The following MAB21L3 variants were observed in gnomAD, a reference collection of about 807,000 sequenced individuals.
MAB21L3 encodes the protein mab-21 like 3, also known as protein mab-21-like 3.
A neutral mutation model predicts 37.7 loss-of-function variants in MAB21L3; 36 were observed. The ratio of observed to expected loss-of-function variants is 0.96; its 90% CI spans 0.73 to 1.26. The LOEUF (loss-of-function observed/expected upper bound fraction) is 1.26. Among genes scored for constraint, MAB21L3 ranks in the 50% most tolerant of loss-of-function variants. MAB21L3 has a pLI of 0.00. For missense variants in MAB21L3, 430 were observed against 447.3 expected (o/e 0.96, Z 0.35); for synonymous variants, 186 against 176.8 (o/e 1.05, Z -0.41).
Position 116,120,921 on chromosome 1 carries a change from C to G in MAB21L3, c.49-11C>G, listed in dbSNP as rs1363230383. ...GAAATAACCACCATTGCTGGTCCCT[C>G]TCACACCCAGGTGGACTTGAGGCGC... On this transcript the variant is annotated splice_polypyrimidine_tract_variant and intron_variant, in intron 3 of 7. Coordinates refer to ENST00000369500, the MANE Select transcript of MAB21L3 (RefSeq NM_152367.3). 1 of 1,613,870 alleles carries G rather than the reference C, an allele frequency of 6.2e-7. No individual in the cohort carries two copies. The highest frequency in any genetic ancestry group is 1.1e-5 in the South Asian group (1 of 91,024).
intron 6 of MAB21L3, among the ~76,000 whole-genome samples, chr1:116,127,869 C>T (rs1481058278): frequency 2.6e-5 from 4 of 152,124 alleles, no homozygotes; most frequent in Non-Finnish European, 5.9e-5. Flanking sequence ...TGAACAGGGC[C>T]CAGCAATCTG....
In MAB21L3 at chr1:116,137,438, C is replaced by T. The variant is rs2101622678; in HGVS notation, c.*4073C>T. Among the ~76,000 whole-genome samples, 1 of 137,862 alleles carries T rather than the reference C, an allele frequency of 7.3e-6. No individual in the cohort carries two copies. The highest frequency in any genetic ancestry group is 1.5e-5 in the Non-Finnish European group (1 of 66,406). The allele number at this position is 137,862 out of a possible 152,430, so 90.4% of individuals were successfully genotyped here. A position where few individuals can be genotyped will look rare whatever the true frequency, so the allele number is the denominator to read the frequency against. On this transcript the variant is annotated 3_prime_UTR_variant, in exon 8 of 8. Coordinates refer to ENST00000369500, the MANE Select transcript of MAB21L3 (RefSeq NM_152367.3). ...AACCACAGTGAGATACCATCTCACACCAGTTAGAATGGCAATCATTAAAAA... is the reference window on the plus strand; with the variant it reads ...AACCACAGTGAGATACCATCTCACATCAGTTAGAATGGCAATCATTAAAAA...
chr1:116,113,117 C>T (rs1659478140), intron 3 of MAB21L3, among the ~76,000 whole-genome samples: 1 of 152,188 alleles, frequency 6.6e-6, no homozygotes, highest in African/African-American at 2.4e-5. Flanking sequence ...TAGTACACAT[C>T]AGTTAAGAAC....
At chr1:116,117,321 T>C (rs984412848) in intron 3 of MAB21L3, among the ~76,000 whole-genome samples, 1 of 151,948 alleles carries the variant, frequency 6.6e-6, no homozygotes, top group African/African-American at 2.4e-5. Flanking sequence ...ATACTATTTC[T>C]CAACCACTCT....
chr1:116,135,466 T>C lies in MAB21L3; in HGVS notation c.*2101T>C, dbSNP rs1660182430. Among the ~76,000 whole-genome samples the C allele has an allele frequency of 2.6e-5, 4 of 152,056 alleles. No individual in the cohort carries two copies. The highest frequency in any genetic ancestry group is 2.6e-4 in the Admixed American group (4 of 15,274). Reference sequence around the variant, plus strand: ...CTCTGAATAGACCAATAACAGGATCTGAAATTGTGGCAATAATCAATAGCT... The same window carrying C: ...CTCTGAATAGACCAATAACAGGATCCGAAATTGTGGCAATAATCAATAGCT... On this transcript the variant is annotated 3_prime_UTR_variant, in exon 8 of 8. Transcript: ENST00000369500.
chr1:116,130,002 A>G (rs1660026792), intron 7 of MAB21L3, among the ~76,000 whole-genome samples: 1 of 152,160 alleles, frequency 6.6e-6, no homozygotes, highest in African/African-American at 2.4e-5. Flanking sequence ...AGATACTTTG[A>G]TTCTTTCTGT....
chr1:116,117,195 A>G (rs1467065885), intron 3 of MAB21L3, among the ~76,000 whole-genome samples: 1 of 145,038 alleles, frequency 6.9e-6, no homozygotes, highest in Non-Finnish European at 1.5e-5. Context: ...ATATATATGT[A>G]TAGTCACTGC....
chr1:116,113,501 C>G (rs569616940), intron 3 of MAB21L3, among the ~76,000 whole-genome samples: 6 of 152,116 alleles, frequency 3.9e-5, no homozygotes, highest in Admixed American at 3.3e-4. Flanking sequence ...TTTCGTGGGT[C>G]CTGTATTTTT....
At chr1:116,118,342 A>G (rs1470810901) in intron 3 of MAB21L3, among the ~76,000 whole-genome samples, 1 of 151,934 alleles carries the variant, frequency 6.6e-6, no homozygotes, top group African/African-American at 2.4e-5. Context: ...AGGTCACACC[A>G]CTGCACTCCA....
chr1:116,133,003 GGT>G, intron 7 of MAB21L3, 127 bp from the exon 8 acceptor site: 1 of 753,338 alleles, frequency 1.3e-6, no homozygotes. Context: ...GTGAATTCAT[GGT>G]AGATCCAGTC....
At chr1:116,112,061 C>T (rs1009936467) in intron 2 of MAB21L3, among the ~76,000 whole-genome samples, 8 of 152,114 alleles carry the variant, frequency 5.3e-5, no homozygotes, top group Non-Finnish European at 1.2e-4. Flanking sequence ...GGGCAGTTTC[C>T]TATTTGTTTA....
At chr1:116,132,559 G>A (rs1342612206) in intron 7 of MAB21L3, among the ~76,000 whole-genome samples, 2 of 152,168 alleles carry the variant, frequency 1.3e-5, no homozygotes, top group Non-Finnish European at 2.9e-5. Flanking sequence ...GCAAGAAATG[G>A]GAGGAGAGGA....
In MAB21L3 at chr1:116,133,489, T is replaced by G. The variant is rs919412997; in HGVS notation, c.*124T>G. 1.8e-5 allele frequency: 15 copies of G among 829,138 alleles called. No homozygotes were observed. In the Admixed American group the frequency reaches 3.7e-4, roughly 21 times the overall value. The allele number at this position is 829,138 out of a possible 1,614,324, so 51.4% of individuals were successfully genotyped here. On this transcript the variant is annotated 3_prime_UTR_variant, in exon 8 of 8. Transcript: ENST00000369500. The stretch of plus-strand genomic sequence containing the variant: ...AAAGGCCACGAATGGCAGCGGAAAT[T>G]ACATCAAACCAGAAACACTTCAGCA...
rs555642734 is a variant in MAB21L3, at chr1:116,137,793, A to C, written c.*4428A>C. On this transcript the variant is annotated 3_prime_UTR_variant, in exon 8 of 8. Coordinates refer to ENST00000369500, the MANE Select transcript of MAB21L3 (RefSeq NM_152367.3). ...ATACACCATGGAATACTATGCAGCC[A>C]TAAAAAATGATGAGTTCATGTCCTT... Among the ~76,000 whole-genome samples the C allele has an allele frequency of 3.3e-5, 5 of 152,182 alleles. No homozygotes were observed. The highest frequency in any genetic ancestry group is 6.5e-5 in the Admixed American group (1 of 15,282).
chr1:116,112,970 G>A (rs1557926301), intron 3 of MAB21L3, among the ~76,000 whole-genome samples: 1 of 152,164 alleles, frequency 6.6e-6, no homozygotes, highest in Non-Finnish European at 1.5e-5. Context: ...TAACCTGCCT[G>A]AGCCTTGGCC....
In MAB21L3 at chr1:116,113,445, C is replaced by A. The variant is rs192886129; in HGVS notation, c.48+782C>A. Among the ~76,000 whole-genome samples, 372 of 152,282 alleles carry A rather than the reference C, an allele frequency of 2.4e-3. 1 individual carries two copies. The highest frequency in any genetic ancestry group is 4.2e-3 in the Non-Finnish European group (288 of 68,022). On this transcript the variant is annotated intron_variant, in intron 3 of 7. Coordinates refer to ENST00000369500, the MANE Select transcript of MAB21L3 (RefSeq NM_152367.3). ...TAAACAAAGTGATTTCCCATTAATT[C>A]CTCCCTTTGAGGGCTCTAAGTGGAA...
At chr1:116,122,470 C>G (rs1204119937) in intron 4 of MAB21L3, among the ~76,000 whole-genome samples, 1 of 152,220 alleles carries the variant, frequency 6.6e-6, no homozygotes, top group African/African-American at 2.4e-5. Flanking sequence ...TATGTCATGT[C>G]TCACATATTA....
Position 116,136,550 on chromosome 1 carries a change from C to T in MAB21L3, c.*3185C>T, listed in dbSNP as rs910195810. Reference sequence around the variant, plus strand: ...ATATCGTCAAAATGGCCAGACTGCCCAAGGTAATTTACAGATTCAATGCCA... The same window carrying T: ...ATATCGTCAAAATGGCCAGACTGCCTAAGGTAATTTACAGATTCAATGCCA... On this transcript the variant is annotated 3_prime_UTR_variant, in exon 8 of 8. Transcript: ENST00000369500. 1.3e-5 allele frequency among the ~76,000 whole-genome samples: 2 copies of T among 152,120 alleles called. No individual in the cohort carries two copies. The highest frequency in any genetic ancestry group is 4.8e-5 in the African/African-American group (2 of 41,386).
chr1:116,133,373 C>T lies in MAB21L3; in HGVS notation c.*8C>T, dbSNP rs2101620234. The T allele has an allele frequency of 6.2e-7, 1 of 1,611,674 alleles. No homozygotes were observed. The highest frequency in any genetic ancestry group is 2.2e-5 in the East Asian group (1 of 44,846). On this transcript the variant is annotated 3_prime_UTR_variant, in exon 8 of 8. Transcript: ENST00000369500. ...CAGATCGGCCCGCCCTGATGGTTGC[C>T]CCGGCCTGGGAGGCTCTTGGACATT...
Sources: allele counts gnomAD v4.1 joint callset (sites outside exome capture counted in the v4.1 genomes callset), GRCh38; gene constraint gnomAD v4.1.1; transcripts MANE v1.5; gene names NCBI Gene and HGNC (gene_info 2026-07-23, HGNC 2026-07-21).